Variants in PRKCE observed in about 807,000 individuals in gnomAD.
The protein encoded by PRKCE is protein kinase C epsilon type.
PRKCE carries 16 observed loss-of-function variants against 85.4 expected under a neutral mutation model. That is an observed-to-expected ratio of 0.19 (90% CI 0.13 to 0.28). PRKCE has a LOEUF of 0.28. PRKCE is among the 10% of genes least tolerant of loss of function. The probability of loss-of-function intolerance (pLI) is 1.00; values close to 1 mark genes in which losing one functional copy is unlikely to be tolerated. For missense variants in PRKCE, 573 were observed against 975.2 expected (o/e 0.59, Z 5.49); for synonymous variants, 388 against 371.5 (o/e 1.04, Z -0.51).
chr2:46,024,961 G>C (rs766108893), intron 10 of PRKCE, among the ~76,000 whole-genome samples: 1 of 152,070 alleles, frequency 6.6e-6, no homozygotes, highest in Non-Finnish European at 1.5e-5. Flanking sequence ...TTATTCCCTT[G>C]GGAGAGCTTC....
chr2:45,663,593 C>G (rs1489626685), intron 1 of PRKCE, among the ~76,000 whole-genome samples: 1 of 152,126 alleles, frequency 6.6e-6, no homozygotes, highest in Non-Finnish European at 1.5e-5. Flanking sequence ...ACCATCCTGG[C>G]TAACACAGTG....
chr2:46,145,280 G>A lies in PRKCE; in HGVS notation c.1731+49G>A. 1.3e-6 allele frequency: 2 copies of A among 1,596,376 alleles called. No individual in the cohort carries two copies. The highest frequency in any genetic ancestry group is 1.7e-6 in the Non-Finnish European group (2 of 1,177,848). On this transcript the variant is annotated intron_variant, in intron 12 of 14. Coordinates refer to ENST00000306156, the MANE Select transcript of PRKCE (RefSeq NM_005400.3). The surrounding 1 kb of genome is among the most constrained non-coding windows in gnomAD (Gnocchi z 4.6). Reference sequence around the variant, plus strand: ...ACCTCCTCCTGGTGCCAGGACCGAGGCAGGGGTCCAAACCCATGCACTGGG... The same window carrying A: ...ACCTCCTCCTGGTGCCAGGACCGAGACAGGGGTCCAAACCCATGCACTGGG...
intron 10 of PRKCE, among the ~76,000 whole-genome samples, chr2:46,018,631 C>A (rs1007698285): frequency 6.6e-6 from 1 of 152,094 alleles, no homozygotes; most frequent in Admixed American, 6.5e-5. Flanking sequence ...GGAAAAGTCA[C>A]AAGAGGACAA....
intron 2 of PRKCE, among the ~76,000 whole-genome samples, chr2:45,927,790 G>GA (rs1014109095): frequency 1.8e-4 from 27 of 151,266 alleles, no homozygotes; most frequent in African/African-American, 5.8e-4. Flanking sequence ...TGTGTGCTGA[G>GA]AAAAAAAAAT....
chr2:45,795,402 G>A (rs529741303), intron 1 of PRKCE, among the ~76,000 whole-genome samples: 76 of 152,160 alleles, frequency 5.0e-4, no homozygotes, highest in South Asian at 8.3e-4. Context: ...TCCGCCTCCC[G>A]GGTTCAAGTG....
intron 10 of PRKCE, among the ~76,000 whole-genome samples, chr2:46,037,357 C>T (rs1337327244): frequency 6.6e-6 from 1 of 152,204 alleles, no homozygotes; most frequent in Non-Finnish European, 1.5e-5. Flanking sequence ...GTCTCAGCCT[C>T]GCTCACCTCT....
intron 1 of PRKCE, among the ~76,000 whole-genome samples, chr2:45,769,896 G>A (rs990815481): frequency 4.6e-5 from 7 of 152,192 alleles, no homozygotes; most frequent in Non-Finnish European, 8.8e-5. Flanking sequence ...GAACAGATAG[G>A]CAGAAACATG....
rs1675939512 is a variant in PRKCE, at chr2:46,145,126, A to G, written c.1626A>G (p.Ala542=). The G allele has an allele frequency of 1.3e-6, 2 of 1,599,656 alleles. No homozygotes were observed. The highest frequency in any genetic ancestry group is 8.5e-7 in the Non-Finnish European group (1 of 1,179,976). The stretch of plus-strand genomic sequence containing the variant: ...AACTGGACAACATCCTTCTGGATGC[A>G]GAAGGTCACTGCAAGCTGGCTGACT... ...DLKLDNILLD[A]EGHCKLADFG... The change falls in exon 12 of 15, where the codon GCA becomes GCG. Residue 542 remains alanine, a synonymous_variant. Transcript: ENST00000306156. The surrounding 1 kb of genome is among the most constrained non-coding windows in gnomAD (Gnocchi z 4.6).
At chr2:46,095,895 C>T (rs1320608669) in intron 11 of PRKCE, among the ~76,000 whole-genome samples, 1 of 152,222 alleles carries the variant, frequency 6.6e-6, no homozygotes, top group Non-Finnish European at 1.5e-5. Flanking sequence ...CTTTGTGTAG[C>T]CAGACACTAT....
At chr2:45,871,386 C>T (rs1187265121) in intron 2 of PRKCE, among the ~76,000 whole-genome samples, 3 of 152,080 alleles carry the variant, frequency 2.0e-5, no homozygotes, top group South Asian at 2.1e-4. Context: ...TTACCTGTTG[C>T]GGATTATGTG....
intron 14 of PRKCE, among the ~76,000 whole-genome samples, chr2:46,174,226 C>T (rs1354563985): frequency 2.0e-5 from 3 of 152,240 alleles, no homozygotes; most frequent in African/African-American, 7.2e-5. Context: ...GGCCACCTAG[C>T]TGCCAGGACC....
At position 46,159,771 on chromosome 2, in the gene PRKCE, A is replaced by T; in HGVS notation, c.2067+19A>T. Reference sequence around the variant, plus strand: ...ACGCATTGTAAGTTGGTCCCCGTGCACGTTCAGCACCATGGGTCGGGCCCA... The same window carrying T: ...ACGCATTGTAAGTTGGTCCCCGTGCTCGTTCAGCACCATGGGTCGGGCCCA... On this transcript the variant is annotated intron_variant, in intron 14 of 14. Coordinates refer to ENST00000306156, the MANE Select transcript of PRKCE (RefSeq NM_005400.3). This position sits in a 1 kb window ranked among gnomAD's most constrained non-coding sequence, Gnocchi z 4.1. 1 of 1,598,546 alleles carries T rather than the reference A, an allele frequency of 6.3e-7. No homozygotes were observed. The highest frequency in any genetic ancestry group is 8.5e-7 in the Non-Finnish European group (1 of 1,179,570).
rs148707756 is a variant in PRKCE, at chr2:45,872,211, G to A, written c.412+29148G>A. Among the ~76,000 whole-genome samples the A allele has an allele frequency of 1.7e-3, 254 of 152,260 alleles. 1 individual carries two copies. The highest frequency in any genetic ancestry group is 5.6e-3 in the African/African-American group (234 of 41,552). ...GTTAGGGGAACAGGGAGCCCTTTGCGTAACTCTGGAAGGAAACAAAGTCAG... is the reference window on the plus strand; with the variant it reads ...GTTAGGGGAACAGGGAGCCCTTTGCATAACTCTGGAAGGAAACAAAGTCAG... On this transcript the variant is annotated intron_variant, in intron 2 of 14. Transcript: ENST00000306156.
intron 2 of PRKCE, among the ~76,000 whole-genome samples, chr2:45,904,926 G>C (rs1558816454): frequency 6.6e-6 from 1 of 152,200 alleles, no homozygotes; most frequent in Non-Finnish European, 1.5e-5. Flanking sequence ...AACCTGGGGA[G>C]CTGGGGGTCC....
At chr2:45,825,406 T>C (rs1320486094) in intron 1 of PRKCE, among the ~76,000 whole-genome samples, 8 of 152,234 alleles carry the variant, frequency 5.3e-5, no homozygotes, top group African/African-American at 1.7e-4. Context: ...CACCAAACTG[T>C]GTTAGAGCAA....
At chr2:45,682,537 G>A (rs1047242079) in intron 1 of PRKCE, among the ~76,000 whole-genome samples, 93 of 151,760 alleles carry the variant, frequency 6.1e-4, no homozygotes, top group Non-Finnish European at 2.2e-4. Context: ...AGTGACTCTT[G>A]GGCCTCAGCC....
At chr2:46,147,668 T>C (rs920552391) in intron 12 of PRKCE, among the ~76,000 whole-genome samples, 2 of 152,236 alleles carry the variant, frequency 1.3e-5, no homozygotes, top group African/African-American at 4.8e-5. Flanking sequence ...GCTGCCTTCA[T>C]CGAGGGCTAC....
At chr2:45,953,431 C>G (rs897013569) in intron 2 of PRKCE, among the ~76,000 whole-genome samples, 1 of 152,214 alleles carries the variant, frequency 6.6e-6, no homozygotes, top group Non-Finnish European at 1.5e-5. Flanking sequence ...TCCTTGCTCT[C>G]TCTCTTCCTC....
intron 2 of PRKCE, among the ~76,000 whole-genome samples, chr2:45,869,242 T>A (rs1041785127): frequency 5.9e-5 from 9 of 152,236 alleles, no homozygotes; most frequent in African/African-American, 2.2e-4. Context: ...CATGAATAGC[T>A]TTAGAAGAAT....
Sources: allele counts gnomAD v4.1 joint callset (sites outside exome capture counted in the v4.1 genomes callset), GRCh38; gene constraint gnomAD v4.1.1; non-coding constraint Gnocchi (gnomAD v3.1); transcripts MANE v1.5; gene names NCBI Gene and HGNC (gene_info 2026-07-23, HGNC 2026-07-21).